ARNT2: variants seen among roughly 807,000 people sequenced by gnomAD.
ARNT2 encodes ARNT protein 2.
ARNT2 carries 36 observed loss-of-function variants against 91.7 expected under a neutral mutation model. That is an observed-to-expected ratio of 0.39 (90% CI 0.30 to 0.52). The LOEUF is 0.52. Among genes scored for constraint, ARNT2 ranks in the 20% least tolerant of loss-of-function variants. The pLI is 0.72. For synonymous variants in ARNT2, 365 were observed against 347.1 expected, an observed-to-expected ratio of 1.05 and a Z score of -0.57; for missense variants, 775 against 939.3, an observed-to-expected ratio of 0.83 and a Z score of 2.29.
At chr15:80,428,278 C>T (rs1450054870) in intron 1 of ARNT2, among the ~76,000 whole-genome samples, 1 of 152,236 alleles carries the variant, frequency 6.6e-6, no homozygotes, top group Non-Finnish European at 1.5e-5. Context: ...AATCGATATT[C>T]ATATGTCCAT....
chr15:80,564,929 T>C (rs909415240), intron 12 of ARNT2, among the ~76,000 whole-genome samples: 24 of 151,996 alleles, frequency 1.6e-4, no homozygotes, highest in Non-Finnish European at 3.4e-4. Flanking sequence ...TTCTCCTTTT[T>C]TTTTTTTTAA....
At position 80,507,087 on chromosome 15, in the gene ARNT2, A is replaced by G. The variant is rs113880172; in HGVS notation, c.623-1069A>G. 1.7e-4 allele frequency among the ~76,000 whole-genome samples: 26 copies of G among 152,352 alleles called. 2 individuals carry two copies. The highest frequency in any genetic ancestry group is 6.0e-4 in the African/African-American group (25 of 41,588). ...GACAGAACCCTCCAACCACAGATGC[A>G]GAGAGAGGATAAGAGCTTCAAGGCC... On this transcript the variant is annotated intron_variant, in intron 5 of 18. Transcript: ENST00000303329.
intron 1 of ARNT2, among the ~76,000 whole-genome samples, chr15:80,411,445 G>A (rs765203325): frequency 6.6e-6 from 1 of 152,186 alleles, no homozygotes; most frequent in Non-Finnish European, 1.5e-5. Flanking sequence ...TTGAAGGAAA[G>A]AAAGCATATA....
chr15:80,435,445 G>A (rs183196182), intron 1 of ARNT2, among the ~76,000 whole-genome samples: 5 of 152,182 alleles, frequency 3.3e-5, no homozygotes, highest in Non-Finnish European at 4.4e-5. Flanking sequence ...AGCGGAGGCT[G>A]CATGGGCCTT....
At chr15:80,441,236 T>C in intron 1 of ARNT2, 2 of 985,336 alleles carry the variant, frequency 2.0e-6, no homozygotes, top group Non-Finnish European at 2.4e-6. Context: ...AACAGATCTG[T>C]GATGACATTT....
chr15:80,584,707 CT>C (rs1488605570), intron 17 of ARNT2, among the ~76,000 whole-genome samples: 1 of 152,270 alleles, frequency 6.6e-6, no homozygotes, highest in Non-Finnish European at 1.5e-5. Context: ...TCCCAGTGCC[CT>C]CTGTGCAGCC....
At chr15:80,423,545 G>A (rs955304386) in intron 1 of ARNT2, among the ~76,000 whole-genome samples, 5 of 152,136 alleles carry the variant, frequency 3.3e-5, no homozygotes, top group Non-Finnish European at 7.4e-5. Context: ...TGAGCTATAT[G>A]TATCTTCCTG....
At chr15:80,561,121 C>T (rs772033812) in intron 11 of ARNT2, among the ~76,000 whole-genome samples, 33 of 152,330 alleles carry the variant, frequency 2.2e-4, no homozygotes, top group Non-Finnish European at 4.6e-4. Context: ...TCCCTGTCCC[C>T]ATGCTGCATG....
At chr15:80,470,477 G>A (rs368290679) in intron 4 of ARNT2, 46 bp downstream of exon 4, 5 of 1,592,206 alleles carry the variant, frequency 3.1e-6, no homozygotes, top group Middle Eastern at 1.8e-4. Flanking sequence ...GGGAATCCCA[G>A]CGTCACCAAG....
intron 18 of ARNT2, among the ~76,000 whole-genome samples, chr15:80,592,220 A>G (rs1475245539): frequency 6.6e-6 from 1 of 152,106 alleles, no homozygotes; most frequent in Non-Finnish European, 1.5e-5. Context: ...GAAACTCTCC[A>G]TTATTTGAGA....
rs972620523 is a variant in ARNT2 at position 80,449,649 on chromosome 15, T to A, written c.32-1231T>A. ...TATTGTGAAATTGTATTGTGTATTG[T>A]AAAATTCTTCTTCAAGAGTTTTGAG... On this transcript the variant is annotated intron_variant, in intron 1 of 18. Coordinates refer to ENST00000303329, the MANE Select transcript of ARNT2 (RefSeq NM_014862.4). Among the ~76,000 whole-genome samples the A allele has an allele frequency of 4.6e-5, 7 of 152,380 alleles. 1 individual carries two copies.
chr15:80,526,723 ACAG>A (rs1566993642), intron 8 of ARNT2, among the ~76,000 whole-genome samples: 1 of 152,240 alleles, frequency 6.6e-6, no homozygotes, highest in Non-Finnish European at 1.5e-5. Context: ...AGCCTTGGCC[ACAG>A]CATGCCAGAG....
chr15:80,491,623 T>C (rs1162958921), intron 5 of ARNT2, among the ~76,000 whole-genome samples: 1 of 152,080 alleles, frequency 6.6e-6, no homozygotes, highest in African/African-American at 2.4e-5. Flanking sequence ...CCTGAAAGCA[T>C]GTTAACATGA....
At chr15:80,482,571 A>T (rs1414259633) in intron 5 of ARNT2, among the ~76,000 whole-genome samples, 1 of 152,224 alleles carries the variant, frequency 6.6e-6, no homozygotes, top group Non-Finnish European at 1.5e-5. Flanking sequence ...CCTTTGGGGC[A>T]TCTAGAGACA....
chr15:80,411,032 G>C lies in ARNT2; in HGVS notation c.31+6486G>C, dbSNP rs529944305. 2.6e-5 allele frequency among the ~76,000 whole-genome samples: 4 copies of C among 152,182 alleles called. No homozygotes were observed. The South Asian group carries it at 8.3e-4, about 32-fold the overall frequency. On this transcript the variant is annotated intron_variant, in intron 1 of 18. Transcript: ENST00000303329. ...TTCTTGGAATGATTAATTGCTCACT[G>C]TCCCTCCTTCCCTACCCTTACCCCC... is the stretch of plus-strand genomic sequence containing the variant.
chr15:80,498,260 C>A (rs1897146337), intron 5 of ARNT2, among the ~76,000 whole-genome samples: 1 of 152,302 alleles, frequency 6.6e-6, no homozygotes, highest in South Asian at 2.1e-4. Context: ...TGCCCCCTAC[C>A]CCTAAAGACA....
chr15:80,571,760 T>C (rs757326325), intron 12 of ARNT2, among the ~76,000 whole-genome samples: 7 of 152,208 alleles, frequency 4.6e-5, no homozygotes, highest in Non-Finnish European at 8.8e-5. Context: ...CATCCTAGTA[T>C]AACAACTATG....
At chr15:80,474,227 G>T (rs1025214257) in intron 4 of ARNT2, among the ~76,000 whole-genome samples, 4 of 152,184 alleles carry the variant, frequency 2.6e-5, no homozygotes, top group Non-Finnish European at 5.9e-5. Context: ...AAGGCTTCCT[G>T]CTGCCCCTTC....
chr15:80,559,349 G>A (rs1395619202), intron 11 of ARNT2, among the ~76,000 whole-genome samples: 1 of 151,718 alleles, frequency 6.6e-6, no homozygotes, highest in Non-Finnish European at 1.5e-5. Context: ...CCCCAGCCCC[G>A]GCCACAGGGC....
Sources: gnomAD v4.1 joint callset for allele counts (sites outside exome capture counted in the v4.1 genomes callset) on GRCh38, gnomAD v4.1.1 for gene constraint, MANE v1.5 for transcripts, NCBI Gene and HGNC (gene_info 2026-07-23, HGNC 2026-07-21) for gene names.